HPSE2: variants seen among roughly 807,000 people sequenced by gnomAD.
The protein encoded by HPSE2 is heparanase 2 (inactive), also known as inactive heparanase-2.
A neutral mutation model predicts 60.5 loss-of-function variants in HPSE2; 38 were observed. The observed-to-expected ratio is 0.63, with a 90% CI of 0.48 to 0.82. HPSE2 has a LOEUF of 0.82. HPSE2 is among the 40% of genes least tolerant of loss of function. HPSE2 has a pLI of 0.00. For synonymous variants in HPSE2, 295 were observed against 293.2 expected (o/e 1.01, Z -0.06); for missense variants, 713 against 740.4 (o/e 0.96, Z 0.43).
At chr10:99,231,743 C>T (rs899101145) in intron 2 of HPSE2, among the ~76,000 whole-genome samples, 2 of 151,796 alleles carry the variant, frequency 1.3e-5, no homozygotes, top group Admixed American at 1.3e-4. Context: ...TGAAGAAGAA[C>T]TAACTGTGGA....
chr10:99,195,975 A>T (rs1848383556), intron 2 of HPSE2, among the ~76,000 whole-genome samples: 1 of 152,168 alleles, frequency 6.6e-6, no homozygotes, highest in African/African-American at 2.4e-5. Flanking sequence ...GAGGTATAGT[A>T]ACCAAAACAG....
intron 5 of HPSE2, among the ~76,000 whole-genome samples, chr10:98,711,601 A>T: frequency 6.6e-6 from 1 of 152,258 alleles, no homozygotes; most frequent in Middle Eastern, 3.4e-3. Flanking sequence ...TGGAAAGAAC[A>T]GAACCTATTT....
At chr10:98,722,427 T>C (rs1014374846) in intron 4 of HPSE2, among the ~76,000 whole-genome samples, 3 of 151,814 alleles carry the variant, frequency 2.0e-5, no homozygotes, top group Non-Finnish European at 2.9e-5. Context: ...AAACCAATAC[T>C]GTTGATGCTC....
the HPSE2 span, among the ~76,000 whole-genome samples, chr10:99,294,495 T>G: frequency 5.8e-4 from 86 of 147,164 alleles, no homozygotes; most frequent in Non-Finnish European, 1.1e-3. Context: ...AAATACATAT[T>G]ATATATATGT....
intron 3 of HPSE2, among the ~76,000 whole-genome samples, chr10:98,775,254 G>C (rs751359452): frequency 6.6e-6 from 1 of 152,204 alleles, no homozygotes; most frequent in Non-Finnish European, 1.5e-5. Context: ...GCTGATATAT[G>C]ATCATCTTTC....
At chr10:98,698,438 C>G (rs1229331007) in intron 5 of HPSE2, among the ~76,000 whole-genome samples, 3 of 151,770 alleles carry the variant, frequency 2.0e-5, no homozygotes, top group African/African-American at 7.3e-5. Context: ...TTCTTTGAAA[C>G]CAACGAGAAC....
chr10:98,589,519 G>A (rs1390737296), intron 9 of HPSE2, among the ~76,000 whole-genome samples: 2 of 152,146 alleles, frequency 1.3e-5, no homozygotes, highest in Non-Finnish European at 2.9e-5. Context: ...CCTCCTTTTA[G>A]TTTCCACCCA....
intron 3 of HPSE2, among the ~76,000 whole-genome samples, chr10:99,043,682 C>T (rs1336039836): frequency 6.6e-6 from 1 of 152,116 alleles, no homozygotes; most frequent in Admixed American, 6.5e-5. Context: ...CCAAACTGAA[C>T]TTCTAGAGCT....
chr10:98,995,718 C>T (rs1956628329), intron 3 of HPSE2, among the ~76,000 whole-genome samples: 1 of 151,798 alleles, frequency 6.6e-6, no homozygotes, highest in Non-Finnish European at 1.5e-5. Context: ...AAATTATATC[C>T]AGAACAAATA....
intron 3 of HPSE2, among the ~76,000 whole-genome samples, chr10:99,106,225 T>C (rs1031686590): frequency 2.7e-5 from 4 of 149,082 alleles, no homozygotes; most frequent in African/African-American, 9.7e-5. Flanking sequence ...CAATATTGAG[T>C]TCTCCAATCC....
At chr10:98,589,327 G>T (rs1275764891) in intron 9 of HPSE2, among the ~76,000 whole-genome samples, 1 of 152,206 alleles carries the variant, frequency 6.6e-6, no homozygotes, top group African/African-American at 2.4e-5. Context: ...GCTGAATAAA[G>T]CCATGTCCCA....
chr10:99,158,977 T>C (rs1340938682), intron 2 of HPSE2, among the ~76,000 whole-genome samples: 1 of 152,150 alleles, frequency 6.6e-6, no homozygotes, highest in Non-Finnish European at 1.5e-5. Context: ...AGATTGAGTT[T>C]CAAAAGATTC....
intron 2 of HPSE2, among the ~76,000 whole-genome samples, chr10:99,173,632 T>C (rs569422381): frequency 6.6e-6 from 1 of 152,262 alleles, no homozygotes; most frequent in African/African-American, 2.4e-5. Flanking sequence ...AAAAAAATTA[T>C]ATTATAACCA....
intron 9 of HPSE2, among the ~76,000 whole-genome samples, chr10:98,544,328 G>A (rs1031133935): frequency 2.0e-5 from 3 of 152,186 alleles, no homozygotes; most frequent in Non-Finnish European, 4.4e-5. Context: ...CACATTCAAA[G>A]CAGTGTAAAG....
chr10:99,100,092 C>T (rs1843891119), intron 3 of HPSE2, among the ~76,000 whole-genome samples: 1 of 152,194 alleles, frequency 6.6e-6, no homozygotes, highest in African/African-American at 2.4e-5. Flanking sequence ...CACCTCTACT[C>T]CTCCAAAGGA....
At chr10:98,632,991 G>A (rs1172518799) in intron 7 of HPSE2, among the ~76,000 whole-genome samples, 1 of 151,956 alleles carries the variant, frequency 6.6e-6, no homozygotes, top group Non-Finnish European at 1.5e-5. Context: ...CTGGGTGCAC[G>A]TGCCTCTCCT....
intron 2 of HPSE2, among the ~76,000 whole-genome samples, chr10:99,173,610 CTT>C (rs940619908): frequency 4.6e-5 from 7 of 152,074 alleles, no homozygotes; most frequent in African/African-American, 1.7e-4. Context: ...GTCTGTAAAA[CTT>C]ATAACTCTGA....
chr10:98,764,628 C>A (rs1950078847), intron 3 of HPSE2, among the ~76,000 whole-genome samples: 1 of 152,054 alleles, frequency 6.6e-6, no homozygotes. Context: ...CAGAGGCAGG[C>A]AGATCACTTG....
intron 9 of HPSE2, among the ~76,000 whole-genome samples, chr10:98,512,012 A>T (rs915676073): frequency 6.6e-6 from 1 of 152,216 alleles, no homozygotes; most frequent in African/African-American, 2.4e-5. Context: ...GCTACTCTTC[A>T]TCTAGATATT....
Sources: gnomAD v4.1 joint callset for allele counts (sites outside exome capture counted in the v4.1 genomes callset) on GRCh38, gnomAD v4.1.1 for gene constraint, MANE v1.5 for transcripts, NCBI Gene and HGNC (gene_info 2026-07-23, HGNC 2026-07-21) for gene names.